The following MCM5 variants were observed in gnomAD, a reference collection of about 807,000 sequenced individuals.
MCM5 encodes DNA replication licensing factor MCM5.
In MCM5, 46 loss-of-function variants were observed where a neutral mutation model predicts 79.9. That is an observed-to-expected ratio of 0.58 (90% CI 0.45 to 0.74). The LOEUF (loss-of-function observed/expected upper bound fraction) is 0.74. Ranked by LOEUF, MCM5 falls within the 30% of genes least tolerant of loss-of-function variation. The probability of loss-of-function intolerance (pLI) is 0.00; values close to 1 mark genes in which losing one functional copy is unlikely to be tolerated. For missense variants in MCM5, 883 were observed against 1,017.0 expected (o/e 0.87, Z 1.79); for synonymous variants, 404 against 390.5 (o/e 1.03, Z -0.41).
chr22:35,419,904 C>A lies in MCM5; in HGVS notation c.1724C>A (p.Ser575Ter). 1 of 1,612,602 alleles carries A rather than the reference C, an allele frequency of 6.2e-7. No individual in the cohort carries two copies. Among genetic ancestry groups the A allele is most frequent in the South Asian group, 1.1e-5 (1 of 90,750 alleles). ...YCRVKCGPRL[S>*]AEAAEKLKNR... ...TGCAGGAAGTGTGGCCCCCGGCTGT[C>A]AGCAGAGGCTGCAGAGAAACTGAAG... The change falls in exon 14 of 17, where the codon TCA (serine) becomes TAA (stop). Residue 575 changes from serine (S) to a stop codon, truncating the protein, a stop_gained. Transcript: ENST00000216122. LOFTEE classifies it high-confidence loss of function.
rs1384253251 is a variant in MCM5 at position 35,424,297 on chromosome 22, G to GC, written c.*46dup. 7.3e-7 allele frequency: 1 copy of GC among 1,376,270 alleles called. No homozygotes were observed. Among genetic ancestry groups the GC allele is most frequent in the Non-Finnish European group, 9.9e-7 (1 of 1,005,988 alleles). 85.3% of individuals were successfully genotyped at this position (1,376,270 alleles called of 1,614,324 possible). ...GGACTCATGGACTCGCCCACGCCTC[G>GC]CCCCTCCTGCCGCTGCCTGCCATTG... is the stretch of plus-strand genomic sequence containing the variant. On this transcript the variant is annotated 3_prime_UTR_variant, in exon 17 of 17. Transcript: ENST00000216122.
At chr22:35,414,061 A>G in intron 9 of MCM5, 75 bp downstream of exon 9, 5 of 906,610 alleles carry the variant, frequency 5.5e-6, no homozygotes, top group Non-Finnish European at 9.0e-6. Context: ...CTGGGTCCTC[A>G]GGACACCTGT....
At chr22:35,418,709 A>ACACT (rs1319978320) in intron 13 of MCM5, among the ~76,000 whole-genome samples, 2 of 150,754 alleles carry the variant, frequency 1.3e-5, no homozygotes, top group South Asian at 2.1e-4. Context: ...ACACACACAC[A>ACACT]CTCACTCTTA....
chr22:35,408,595 A>G lies in MCM5; in HGVS notation c.752+32A>G. Reference sequence around the variant, plus strand: ...CAGACGGGCTGGGAGGTGGGCATCTACGACGGTGGATGTCCCAGCTGTGGC... The same window carrying G: ...CAGACGGGCTGGGAGGTGGGCATCTGCGACGGTGGATGTCCCAGCTGTGGC... On this transcript the variant is annotated intron_variant, in intron 6 of 16. Transcript: ENST00000216122. 3 of 1,590,030 alleles carry G rather than the reference A, an allele frequency of 1.9e-6. 1 individual carries two copies. The highest frequency in any genetic ancestry group is 2.6e-6 in the Non-Finnish European group (3 of 1,162,512).
the MCM5 span, among the ~76,000 whole-genome samples, chr22:35,443,632 C>T: frequency 1.3e-5 from 2 of 152,226 alleles, no homozygotes; most frequent in Non-Finnish European, 1.5e-5. Flanking sequence ...ACTTCTCCCT[C>T]ACCTTTCCAC....
rs749144806 is a variant in MCM5 at position 35,415,893 on chromosome 22, C to T, written c.1268C>T (p.Ser423Leu). The T allele has an allele frequency of 1.7e-5, 27 of 1,614,022 alleles. 1 individual carries two copies. The highest frequency in any genetic ancestry group is 3.3e-5 in the Admixed American group (2 of 60,006). ...GLTASVMRDP[S>L]SRNFIMEGGA... Reference sequence around the variant, plus strand: ...ACAGCCTCGGTGATGAGGGACCCTTCGTCCCGGAATTTCATCATGGAGGGC... The same window carrying T: ...ACAGCCTCGGTGATGAGGGACCCTTTGTCCCGGAATTTCATCATGGAGGGC... The change falls in exon 10 of 17, where the codon TCG becomes TTG. Residue 423 changes from serine (S) to leucine (L), a missense_variant. Around this residue, in one of 3 missense-constraint regions of MCM5, gnomAD observed 426 missense variants for 482.3 expected, o/e 0.88. Transcript: ENST00000216122.
Position 35,400,486 on chromosome 22 carries a change from G to C in MCM5, c.48G>C (p.Gly16=). The C allele has an allele frequency of 1.2e-6, 2 of 1,614,116 alleles. No individual in the cohort carries two copies. Among genetic ancestry groups the C allele is most frequent in the South Asian group, 1.1e-5 (1 of 91,082 alleles). ...DPGIFYSDSF[G]GDAQADEGQA... ...GCATTTTCTACAGCGACAGCTTCGGGGGCGACGCCCAGGCCGACGAGGGGC... is the reference window on the plus strand; with the variant it reads ...GCATTTTCTACAGCGACAGCTTCGGCGGCGACGCCCAGGCCGACGAGGGGC... The change falls in exon 2 of 17, where the codon GGG becomes GGC. Residue 16 remains glycine (G), a synonymous_variant. Transcript: ENST00000216122.
chr22:35,426,814 G>C (rs1010209094), downstream of MCM5, among the ~76,000 whole-genome samples: 11 of 152,222 alleles, frequency 7.2e-5, no homozygotes, highest in African/African-American at 2.6e-4. Flanking sequence ...AGCAGAGGCC[G>C]AGCCTCTGCT....
At chr22:35,432,643 C>T in the MCM5 span, among the ~76,000 whole-genome samples, 3 of 152,212 alleles carry the variant, frequency 2.0e-5, no homozygotes, top group Non-Finnish European at 2.9e-5. Context: ...TAGTCCCTGG[C>T]CCTGGCCATC....
chr22:35,400,296 GGAAC>G, intron 1 of MCM5, 88 bp downstream of exon 1: 1 of 891,282 alleles, frequency 1.1e-6, no homozygotes, highest in Non-Finnish European at 1.8e-6. Context: ...GAGTTTCTCG[GGAAC>G]TGGGGTTGGA....
At chr22:35,403,997 G>A (rs1249117737) in intron 4 of MCM5, among the ~76,000 whole-genome samples, 1 of 152,026 alleles carries the variant, frequency 6.6e-6, no homozygotes, top group Admixed American at 6.6e-5. Flanking sequence ...TATAGTCCAG[G>A]CTACTTGGAA....
At chr22:35,403,918 C>A (rs1405063066) in intron 4 of MCM5, among the ~76,000 whole-genome samples, 1 of 148,314 alleles carries the variant, frequency 6.7e-6, no homozygotes, top group Non-Finnish European at 1.5e-5. Flanking sequence ...GAGTTTGAGA[C>A]CCTGGCTCTC....
chr22:35,423,254 G>C lies in MCM5; in HGVS notation c.2016G>C (p.Leu672=). ...CCAGCCAGGAGGACCAGGAGATGCT[G>C]AGCCGCATCGAGAAGCAGCTCAAGC... ...GFTSQEDQEM[L]SRIEKQLKRR... The change falls in exon 16 of 17, where the codon CTG becomes CTC. Residue 672 remains leucine (L), a synonymous_variant. Transcript: ENST00000216122. The C allele has an allele frequency of 6.2e-7, 1 of 1,605,050 alleles. No individual in the cohort carries two copies. The highest frequency in any genetic ancestry group is 8.5e-7 in the Non-Finnish European group (1 of 1,174,306).
In MCM5 at chr22:35,421,315, C is replaced by T. The variant is rs1278759127; in HGVS notation, c.1833-3C>T. ...TACCCTGAGCACGCTGTTGCCCCCACAGGCAGCTGGAGGCCATTGTGCGCA... is the reference window on the plus strand; with the variant it reads ...TACCCTGAGCACGCTGTTGCCCCCATAGGCAGCTGGAGGCCATTGTGCGCA... On this transcript the variant is annotated splice_polypyrimidine_tract_variant and splice_region_variant and intron_variant, in intron 14 of 16. Transcript: ENST00000216122. The T allele has an allele frequency of 1.2e-6, 2 of 1,611,596 alleles. No individual in the cohort carries two copies. Among genetic ancestry groups the T allele is most frequent in the African/African-American group, 1.3e-5 (1 of 74,902 alleles).
chr22:35,419,775 G>T (rs1932645383), intron 13 of MCM5, 109 bp from the exon 14 acceptor site: 3 of 1,145,680 alleles, frequency 2.6e-6, no homozygotes, highest in African/African-American at 3.2e-5. Flanking sequence ...GGCAGCTGTG[G>T]TGTGGTGGGA....
At chr22:35,453,815 T>TAGAGAG in the MCM5 span, among the ~76,000 whole-genome samples, 394 of 89,172 alleles carry the variant, frequency 4.4e-3, 4 homozygotes, top group Middle Eastern at 5.8e-3. Flanking sequence ...TATATATATA[T>TAGAGAG]ATATAGAGAG....
chr22:35,403,008 G>A (rs1932105979), intron 2 of MCM5, among the ~76,000 whole-genome samples, 199 bp from the exon 3 acceptor site: 1 of 152,172 alleles, frequency 6.6e-6, no homozygotes, highest in African/African-American at 2.4e-5. Context: ...TTTAGGGCAT[G>A]CCTGTGCCAG....
intron 5 of MCM5, among the ~76,000 whole-genome samples, chr22:35,407,885 C>T (rs1176691017): frequency 6.6e-6 from 1 of 152,200 alleles, no homozygotes; most frequent in African/African-American, 2.4e-5. Flanking sequence ...CAGTGCTGTG[C>T]CCCCTGCACC....
chr22:35,406,736 G>T lies in MCM5; in HGVS notation c.596+11G>T, dbSNP rs1158361315. Reference sequence around the variant, plus strand: ...CAGGAAGTGCAACACGTGAGTCTGTGGCCCAGAGGGACTGTGGGAGGTGAC... The same window carrying T: ...CAGGAAGTGCAACACGTGAGTCTGTTGCCCAGAGGGACTGTGGGAGGTGAC... On this transcript the variant is annotated intron_variant, in intron 5 of 16. Transcript: ENST00000216122. 5.0e-6 allele frequency: 8 copies of T among 1,604,384 alleles called. No homozygotes were observed. Among genetic ancestry groups the T allele is most frequent in the Non-Finnish European group, 6.8e-6 (8 of 1,179,738 alleles).
Sources: allele counts gnomAD v4.1 joint callset (sites outside exome capture counted in the v4.1 genomes callset), GRCh38; gene constraint gnomAD v4.1.1; regional missense constraint gnomAD v4.1.1; transcripts MANE v1.5; gene names NCBI Gene and HGNC (gene_info 2026-07-23, HGNC 2026-07-21).